The following ABHD2 variants were observed in gnomAD, a reference collection of about 807,000 sequenced individuals.
The protein encoded by ABHD2 is monoacylglycerol lipase ABHD2.
ABHD2 carries 20 observed loss-of-function variants against 48.1 expected under a neutral mutation model. The ratio of observed to expected loss-of-function variants is 0.42; its 90% confidence interval spans 0.29 to 0.60. The LOEUF is 0.60. Among genes scored for constraint, ABHD2 ranks in the 20% least tolerant of loss-of-function variants. The probability of loss-of-function intolerance (pLI) is 0.24; values close to 1 mark genes in which losing one functional copy is unlikely to be tolerated. For synonymous variants in ABHD2, 209 were observed against 214.2 expected (o/e 0.98, Z 0.21); for missense variants, 405 against 550.9 (o/e 0.74, Z 2.65).
rs1476025943 is a variant in ABHD2 at position 89,155,452 on chromosome 15, A to T, written c.456A>T (p.Lys152Asn). Reference sequence around the variant, plus strand: ...GCACTTTCGTTGACTACGCCCAGAAAAATGGCTATCGGTGCGCCGTGCTGA... The same window carrying T: ...GCACTTTCGTTGACTACGCCCAGAATAATGGCTATCGGTGCGCCGTGCTGA... ...YIRTFVDYAQ[K>N]NGYRCAVLNH... is the part of the protein sequence containing the mutation. Residue 152 changes from lysine to asparagine, a missense_variant, in exon 5 of 11, where the codon AAA becomes AAT. Lys to Asn is a moderately conservative substitution (Grantham distance 94). Transcript: ENST00000352732. The surrounding 1 kb of genome is among the most constrained non-coding windows in gnomAD (Gnocchi z 4.9). 1 of 1,614,102 alleles carries T rather than the reference A, an allele frequency of 6.2e-7. No homozygotes were observed. The highest frequency in any genetic ancestry group is 8.5e-7 in the Non-Finnish European group (1 of 1,180,050).
Position 89,176,608 on chromosome 15 carries a change from C to T in ABHD2, c.722+613C>T, listed in dbSNP as rs2051017767. 6.6e-6 allele frequency among the ~76,000 whole-genome samples: 1 copy of T among 152,112 alleles called. No individual in the cohort carries two copies. The highest frequency in any genetic ancestry group is 2.4e-5 in the African/African-American group (1 of 41,420). ...TCCCAGGAGGGCGTGGTCATCTGCC[C>T]CGATTCCCCTGAAGATCACTGCTGT... On this transcript the variant is annotated intron_variant, in intron 6 of 10. Transcript: ENST00000352732. The surrounding 1 kb of genome is among the most constrained non-coding windows in gnomAD (Gnocchi z 4.5).
rs146397660 is a variant in ABHD2 at position 89,176,009 on chromosome 15, G to A, written c.722+14G>A. 96 of 1,581,376 alleles carry A rather than the reference G, an allele frequency of 6.1e-5. No individual in the cohort carries two copies. The East Asian group carries it at 1.8e-3, about 29-fold the overall frequency. On this transcript the variant is annotated intron_variant, in intron 6 of 10. Transcript: ENST00000352732. This position sits in a 1 kb window ranked among gnomAD's most constrained non-coding sequence, Gnocchi z 4.5. ...CAGTGCACTGAGGTGAGTCATCTCC[G>A]CCTTCCATCAGGGCCTTCAGTTAGC...
rs372305000 is a variant in ABHD2 at position 89,143,605 on chromosome 15, T to G, written c.195-8072T>G. ...TCGCTTGAACCCAGGAGGCGGAGGT[T>G]GCAGTGAGCCGAAATTGCACCGAGC... On this transcript the variant is annotated intron_variant, in intron 3 of 10. Transcript: ENST00000352732. 2.6e-5 allele frequency among the ~76,000 whole-genome samples: 4 copies of G among 151,778 alleles called. No individual in the cohort carries two copies. In the East Asian group the frequency reaches 5.8e-4, roughly 22 times the overall value.
chr15:89,056,556 T>C, the ABHD2 span, among the ~76,000 whole-genome samples: 1 of 152,004 alleles, frequency 6.6e-6, no homozygotes, highest in Non-Finnish European at 1.5e-5. Context: ...GGCAGGAGAA[T>C]GACGTGAACC....
rs1034808783 is a variant in ABHD2 at position 89,179,252 on chromosome 15, AGGCCGCACAGCAGGAGGTGAGCGGTG to A, written c.722+3261_722+3286del. Among the ~76,000 whole-genome samples, 3 of 152,192 alleles carry A rather than the reference AGGCCGCACAGCAGGAGGTGAGCGGTG, an allele frequency of 2.0e-5. No homozygotes were observed. Among genetic ancestry groups the A allele is most frequent in the Non-Finnish European group, 4.4e-5 (3 of 68,034 alleles). On this transcript the variant is annotated intron_variant, in intron 6 of 10. Transcript: ENST00000352732. This position sits in a 1 kb window ranked among gnomAD's most constrained non-coding sequence, Gnocchi z 4.3. Reference sequence around the variant, plus strand: ...GGGGTCCCAACTGCTGTTAGGAACCAGGCCGCACAGCAGGAGGTGAGCGGTGGGCAGGTCACAGTGGGCAAAGCAGT... The same window carrying A: ...GGGGTCCCAACTGCTGTTAGGAACCAGGCAGGTCACAGTGGGCAAAGCAGT...
In ABHD2 at chr15:89,097,656, G is replaced by A. The variant is rs1016784010; in HGVS notation, c.-107+9093G>A. ...TACTTTTGACAGATAACGCATTCAT[G>A]TGTTATAACATTCAAAAGGTACAAC... On this transcript the variant is annotated intron_variant, in intron 1 of 10. Transcript: ENST00000352732. This position sits in a 1 kb window ranked among gnomAD's most constrained non-coding sequence, Gnocchi z 4.2. Among the ~76,000 whole-genome samples, 4 of 152,262 alleles carry A rather than the reference G, an allele frequency of 2.6e-5. No homozygotes were observed. Among genetic ancestry groups the A allele is most frequent in the Non-Finnish European group, 5.9e-5 (4 of 68,020 alleles).
rs1287212900 is a variant in ABHD2, at chr15:89,155,431, T to A, written c.435T>A (p.Thr145=). 6.2e-7 allele frequency: 1 copy of A among 1,614,192 alleles called. No individual in the cohort carries two copies. The highest frequency in any genetic ancestry group is 8.5e-7 in the Non-Finnish European group (1 of 1,180,030). ...ANHSEKQYIR[T]FVDYAQKNGY... ...ACAGCGAGAAGCAATACATCCGCAC[T>A]TTCGTTGACTACGCCCAGAAAAATG... Residue 145 remains threonine (T), a synonymous_variant, in exon 5 of 11, where the codon ACT becomes ACA. Transcript: ENST00000352732. This position sits in a 1 kb window ranked among gnomAD's most constrained non-coding sequence, Gnocchi z 4.9.
Position 89,195,246 on chromosome 15 carries a change from G to A in ABHD2, c.1101G>A (p.Met367Ile). 1.2e-6 allele frequency: 2 copies of A among 1,614,058 alleles called. No individual in the cohort carries two copies. Among genetic ancestry groups the A allele is most frequent in the South Asian group, 1.1e-5 (1 of 91,076 alleles). ...CTGCAGAGAAACGAGAGAACGTCAT[G>A]TTTGTGCTGCCTCTGCATGGGGGCC... Reference protein sequence around the residue: ...KSLSEKRENVMFVLPLHGGHL... With the variant: ...KSLSEKRENVIFVLPLHGGHL... Residue 367 changes from methionine to isoleucine, a missense_variant, in exon 11 of 11, where the codon ATG becomes ATA. Transcript: ENST00000352732. This position sits in a 1 kb window ranked among gnomAD's most constrained non-coding sequence, Gnocchi z 5.1.
chr15:89,152,452 G>C (rs1199414747), intron 4 of ABHD2, among the ~76,000 whole-genome samples: 3 of 152,176 alleles, frequency 2.0e-5, no homozygotes, highest in African/African-American at 7.2e-5. Context: ...TTGGAGCCCA[G>C]GCACCCCAGG....
the ABHD2 span, among the ~76,000 whole-genome samples, chr15:89,061,313 GA>G: frequency 6.6e-6 from 1 of 150,686 alleles, no homozygotes; most frequent in East Asian, 1.9e-4. Context: ...AGCTACTCGG[GA>G]GGCTGAGGCA....
chr15:89,138,576 C>G (rs1461730697), intron 3 of ABHD2, among the ~76,000 whole-genome samples: 3 of 152,208 alleles, frequency 2.0e-5, no homozygotes, highest in African/African-American at 7.2e-5. Flanking sequence ...AAAAACTCCT[C>G]TAACAAGAAG....
the ABHD2 span, among the ~76,000 whole-genome samples, chr15:89,066,340 G>A: frequency 6.6e-6 from 1 of 152,096 alleles, no homozygotes; most frequent in African/African-American, 2.4e-5. Context: ...GTTTGTAGAT[G>A]CATCATTCCA....
chr15:89,050,893 A>G, the ABHD2 span, among the ~76,000 whole-genome samples: 1 of 152,120 alleles, frequency 6.6e-6, no homozygotes, highest in Admixed American at 6.6e-5. Flanking sequence ...TCTACTGAGC[A>G]TCTGCTATGT....
the ABHD2 span, among the ~76,000 whole-genome samples, chr15:89,077,677 G>A: frequency 0.37 from 56,951 of 151,962 alleles, 11,654 homozygotes; most frequent in Non-Finnish European, 0.47. Flanking sequence ...TCTTAGAATC[G>A]TGCTTGTCTC....
At position 89,094,765 on chromosome 15, in the gene ABHD2, C is replaced by T. The variant is rs1041909476; in HGVS notation, c.-107+6202C>T. ...TAAGGAAATACAAAAGCCCTGTCATCTAAAAAGATATTTTAGCCTGGGTGC... is the reference window on the plus strand; with the variant it reads ...TAAGGAAATACAAAAGCCCTGTCATTTAAAAAGATATTTTAGCCTGGGTGC... On this transcript the variant is annotated intron_variant, in intron 1 of 10. Coordinates refer to ENST00000352732, the MANE Select transcript of ABHD2 (RefSeq NM_152924.5). The surrounding 1 kb of genome is among the most constrained non-coding windows in gnomAD (Gnocchi z 4.7). Among the ~76,000 whole-genome samples the T allele has an allele frequency of 6.6e-6, 1 of 151,706 alleles. No homozygotes were observed. Among genetic ancestry groups the T allele is most frequent in the African/African-American group, 2.4e-5 (1 of 41,280 alleles).
chr15:89,103,676 TAG>T (rs1384488502), intron 1 of ABHD2, among the ~76,000 whole-genome samples: 3 of 152,162 alleles, frequency 2.0e-5, no homozygotes, highest in Non-Finnish European at 4.4e-5. Context: ...ACAAGTAGTG[TAG>T]AGACACAAAT....
intron 1 of ABHD2, among the ~76,000 whole-genome samples, chr15:89,108,372 C>T (rs1214797949): frequency 1.3e-5 from 2 of 152,216 alleles, no homozygotes; most frequent in Non-Finnish European, 2.9e-5. Context: ...GCCTCCTCCC[C>T]TCTGTATCTG....
the ABHD2 span, among the ~76,000 whole-genome samples, chr15:89,048,882 C>T: frequency 6.9e-6 from 1 of 145,964 alleles, no homozygotes; most frequent in South Asian, 2.1e-4. Context: ...TCGTCTGAAG[C>T]CTCCTTCTCT....
rs1567118781 is a variant in ABHD2 at position 89,200,662 on chromosome 15, C to A, written c.*5239C>A. ...AAGCCTGTATGACGCTGTACACACA[C>A]AAAAAAATGGTCACCGCAGGCCATA... On this transcript the variant is annotated 3_prime_UTR_variant, in exon 11 of 11. Transcript: ENST00000352732. 3 of 198,266 alleles carry A rather than the reference C, an allele frequency of 1.5e-5. No individual in the cohort carries two copies. Among genetic ancestry groups the A allele is most frequent in the East Asian group, 2.3e-4 (2 of 8,622 alleles). The allele number at this position is 198,266 out of a possible 1,614,324, so 12.3% of individuals were successfully genotyped here.
Sources: allele counts gnomAD v4.1 joint callset (sites outside exome capture counted in the v4.1 genomes callset), GRCh38; gene constraint gnomAD v4.1.1; non-coding constraint Gnocchi (gnomAD v3.1); transcripts MANE v1.5; gene names NCBI Gene and HGNC (gene_info 2026-07-23, HGNC 2026-07-21).